The following SPECC1L variants were observed in gnomAD, a reference collection of about 807,000 sequenced individuals.
The protein encoded by SPECC1L is cytospin-A.
A neutral mutation model predicts 116.8 loss-of-function variants in SPECC1L; 40 were observed. The ratio of observed to expected loss-of-function variants is 0.34; its 90% CI spans 0.27 to 0.45. The LOEUF (loss-of-function observed/expected upper bound fraction) is 0.45, where lower values mean the gene tolerates loss of function less well. Among genes scored for constraint, SPECC1L ranks in the 20% least tolerant of loss-of-function variants. SPECC1L has a pLI of 1.00. For synonymous variants in SPECC1L, 504 were observed against 500.6 expected, an observed-to-expected ratio of 1.01 and a Z score of -0.09; for missense variants, 1,110 against 1,373.6, an observed-to-expected ratio of 0.81 and a Z score of 3.03.
intron 14 of SPECC1L, among the ~76,000 whole-genome samples, chr22:24,375,720 C>T (rs911287119): frequency 2.0e-5 from 3 of 152,084 alleles, no homozygotes; most frequent in Non-Finnish European, 4.4e-5. Context: ...TTTGGGAGGC[C>T]AAGGCGGGTG....
chr22:24,299,204 T>C (rs1391933763), intron 2 of SPECC1L, among the ~76,000 whole-genome samples: 8 of 152,200 alleles, frequency 5.3e-5, no homozygotes, highest in Admixed American at 2.6e-4. Flanking sequence ...TAAGTAGATA[T>C]TTTTGGAATA....
chr22:24,365,664 G>A (rs1601288156), intron 13 of SPECC1L, 32 bp downstream of exon 13: 1 of 1,612,408 alleles, frequency 6.2e-7, no homozygotes, highest in South Asian at 1.1e-5. Context: ...TGCATTTCGT[G>A]TGTACCTTTC....
In SPECC1L at chr22:24,321,350, G is replaced by A; in HGVS notation, c.370G>A (p.Glu124Lys). 1 of 1,614,232 alleles carries A rather than the reference G, an allele frequency of 6.2e-7. No homozygotes were observed. Among genetic ancestry groups the A allele is most frequent in the Non-Finnish European group, 8.5e-7 (1 of 1,180,040 alleles). Residue 124 changes from glutamate to lysine, a missense_variant, in exon 5 of 17, where the codon GAA (glutamate) becomes AAA (lysine). Glu to Lys is a moderately conservative substitution (Grantham distance 56). This residue lies in a region of SPECC1L where 437 missense variants were observed against 482.6 expected (regional missense o/e 0.91). Transcript: ENST00000314328. The part of the protein sequence containing the change: ...TGNKESSSTR[E>K]RLRERTRLNQ... ...TAATAAAGAATCCAGTTCTACTAGA[G>A]AAAGATTACGTGAACGTACCCGATT...
intron 9 of SPECC1L, among the ~76,000 whole-genome samples, chr22:24,336,501 C>T (rs896807525): frequency 1.1e-4 from 16 of 151,850 alleles, no homozygotes; most frequent in African/African-American, 3.6e-4. Flanking sequence ...CTTATGAGGC[C>T]GAGGTGGTAA....
At chr22:24,317,494 C>G (rs1379312092) in intron 4 of SPECC1L, among the ~76,000 whole-genome samples, 4 of 130,172 alleles carry the variant, frequency 3.1e-5, no homozygotes, top group Admixed American at 7.9e-5. Flanking sequence ...CTGACCCCCC[C>G]ACCTCCCTCC....
At chr22:24,350,896 A>G (rs543404910) in intron 11 of SPECC1L, among the ~76,000 whole-genome samples, 1 of 152,276 alleles carries the variant, frequency 6.6e-6, no homozygotes, top group Admixed American at 6.5e-5. Flanking sequence ...GTGTGGCTGC[A>G]AGCCTGAGAA....
chr22:24,346,011 G>GTTT (rs375040215), intron 10 of SPECC1L, among the ~76,000 whole-genome samples: 1 of 141,670 alleles, frequency 7.1e-6, no homozygotes, highest in Admixed American at 7.1e-5. Flanking sequence ...TGTTTTTTTT[G>GTTT]TTTTTTTTTT....
intron 14 of SPECC1L, among the ~76,000 whole-genome samples, chr22:24,410,088 G>T (rs1601369044): frequency 6.6e-6 from 1 of 152,242 alleles, no homozygotes; most frequent in East Asian, 1.9e-4. Context: ...GCCTTAATCG[G>T]CTCCTAATGC....
chr22:24,285,693 G>A (rs2049030690), intron 2 of SPECC1L, among the ~76,000 whole-genome samples: 1 of 152,046 alleles, frequency 6.6e-6, no homozygotes, highest in African/African-American at 2.4e-5. Context: ...GCCCAGGCTG[G>A]AGTGCAGTGT....
chr22:24,321,952 T>C lies in SPECC1L; in HGVS notation c.972T>C (p.Asp324=), dbSNP rs370041102. Residue 324 remains aspartate (D), a synonymous_variant, in exon 5 of 17, where the codon GAT becomes GAC. Transcript: ENST00000314328. ...VEGSAPGSVE[D]LLSQDENTLM... ...GCTCTGCCCCTGGCTCAGTGGAGGA[T>C]CTCTTGAGTCAGGATGAAAATACAC... 3 of 1,614,024 alleles carry C rather than the reference T, an allele frequency of 1.9e-6. No homozygotes were observed. The highest frequency in any genetic ancestry group is 4.5e-5 in the East Asian group (2 of 44,894).
At chr22:24,339,867 C>T (rs2041136997) in intron 10 of SPECC1L, among the ~76,000 whole-genome samples, 1 of 152,184 alleles carries the variant, frequency 6.6e-6, no homozygotes, top group Non-Finnish European at 1.5e-5. Context: ...ACTGCACAAC[C>T]TCTGCCTCCC....
At chr22:24,278,549 A>G (rs1407751823) in intron 2 of SPECC1L, among the ~76,000 whole-genome samples, 1 of 152,226 alleles carries the variant, frequency 6.6e-6, no homozygotes, top group Admixed American at 6.5e-5. Flanking sequence ...ATTGACTGTT[A>G]GGTGCCAGGC....
intron 2 of SPECC1L, among the ~76,000 whole-genome samples, chr22:24,295,633 T>G (rs1050388114): frequency 2.0e-5 from 3 of 152,116 alleles, no homozygotes; most frequent in Non-Finnish European, 4.4e-5. Context: ...AGTTAGTCCC[T>G]TCAAAATAAA....
chr22:24,355,006 C>T (rs544482760), intron 11 of SPECC1L, among the ~76,000 whole-genome samples: 2 of 150,510 alleles, frequency 1.3e-5, no homozygotes, highest in Non-Finnish European at 3.0e-5. Flanking sequence ...CCAGGCCAGG[C>T]GCAGTGGCTC....
At chr22:24,413,067 C>T (rs2042731505) in intron 16 of SPECC1L, among the ~76,000 whole-genome samples, 1 of 152,206 alleles carries the variant, frequency 6.6e-6, no homozygotes, top group Admixed American at 6.5e-5. Flanking sequence ...TTATAAATCT[C>T]GCTGTCAAAA....
intron 12 of SPECC1L, among the ~76,000 whole-genome samples, chr22:24,364,391 G>C (rs1042025507): frequency 6.6e-6 from 1 of 151,536 alleles, no homozygotes. Context: ...GGCCAGTTGC[G>C]GTGGCTCATG....
At chr22:24,310,734 A>G (rs1471105567) in intron 3 of SPECC1L, among the ~76,000 whole-genome samples, 2 of 151,848 alleles carry the variant, frequency 1.3e-5, no homozygotes, top group African/African-American at 2.4e-5. Context: ...TGTTTGTGAG[A>G]TATTGCAAAT....
chr22:24,363,373 T>A, intron 12 of SPECC1L, 29 bp downstream of exon 12: 1 of 1,592,990 alleles, frequency 6.3e-7, no homozygotes, highest in Admixed American at 1.7e-5. Flanking sequence ...ATTTTTGTTG[T>A]ATTTGTTGTT....
intron 6 of SPECC1L, among the ~76,000 whole-genome samples, chr22:24,327,856 G>A (rs2040861860): frequency 6.6e-6 from 1 of 152,132 alleles, no homozygotes; most frequent in Admixed American, 6.6e-5. Context: ...GGTAATATTG[G>A]CGGCAACATG....
Sources: gnomAD v4.1 joint callset for allele counts (sites outside exome capture counted in the v4.1 genomes callset) on GRCh38, gnomAD v4.1.1 for gene constraint, gnomAD v4.1.1 regional missense constraint, MANE v1.5 for transcripts, NCBI Gene and HGNC (gene_info 2026-07-23, HGNC 2026-07-21) for gene names.